Variants in KLF8 observed in about 807,000 individuals in gnomAD.
KLF8 encodes the protein Krueppel-like factor 8.
KLF8 carries 10 observed loss-of-function variants against 18.2 expected under a neutral mutation model. That is an observed-to-expected ratio of 0.55 (90% CI 0.34 to 0.93). The LOEUF (loss-of-function observed/expected upper bound fraction) is 0.93, where lower values mean the gene tolerates loss of function less well. KLF8 is among the 40% of genes least tolerant of loss of function. The probability of loss-of-function intolerance (pLI) is 0.02; values close to 1 mark genes in which losing one functional copy is unlikely to be tolerated. For missense variants in KLF8, 264 were observed against 277.9 expected (o/e 0.95, Z 0.36); for synonymous variants, 109 against 97.3 (o/e 1.12, Z -0.71).
the KLF8 span, among the ~76,000 whole-genome samples, chrX:56,081,882 G>C: frequency 1.8e-5 from 2 of 111,546 alleles, no homozygotes; most frequent in Non-Finnish European, 3.8e-5. Flanking sequence ...GAGGATTTTT[G>C]CATCAACATT....
chrX:56,057,959 G>A, the KLF8 span, among the ~76,000 whole-genome samples: 1 of 106,728 alleles, frequency 9.4e-6, no homozygotes. Flanking sequence ...CCAATGGAGA[G>A]AACAGGTTGC....
intron 1 of KLF8, among the ~76,000 whole-genome samples, chrX:56,248,165 G>T (rs1282705351): frequency 1.8e-5 from 2 of 110,607 alleles, no homozygotes; most frequent in African/African-American, 3.3e-5. Context: ...GTCATGGGGT[G>T]GGGGGAGAGC....
At chrX:55,957,525 C>G in the KLF8 span, among the ~76,000 whole-genome samples, 2 of 112,071 alleles carry the variant, frequency 1.8e-5, no homozygotes, top group African/African-American at 6.5e-5. Context: ...TCTATGAACA[C>G]AAGATGTGTT....
Position 56,265,427 on chromosome X carries a change from C to G in KLF8, c.329C>G (p.Pro110Arg). The change falls in exon 3 of 6, where the codon CCC (proline) becomes CGC (arginine). Residue 110 changes from proline (P) to arginine (R), a missense_variant. Physicochemically the swap from Pro to Arg is moderately radical, Grantham distance 103. Around this residue, in one of 2 missense-constraint regions of KLF8, gnomAD observed 221 missense variants for 193.6 expected, o/e 1.14. Transcript: ENST00000468660. ...PASMLQAPIR[P>R]PKPQSSPQTL... ...AGCATGCTACAAGCTCCAATACGTC[C>G]CCCCAAGCCACAGTCTTCTCCCCAG... is the stretch of plus-strand genomic sequence containing the variant. 8 of 1,211,485 alleles carry G rather than the reference C, an allele frequency of 6.6e-6. No individual in the cohort carries two copies. Among genetic ancestry groups the G allele is most frequent in the African/African-American group, 1.7e-5 (1 of 57,844 alleles).
chrX:56,047,060 T>A, the KLF8 span, among the ~76,000 whole-genome samples: 25 of 100,809 alleles, frequency 2.5e-4, no homozygotes, highest in Non-Finnish European at 4.2e-4. Flanking sequence ...GTTCATTTTT[T>A]AATTTTTTTT....
the KLF8 span, among the ~76,000 whole-genome samples, chrX:56,016,301 T>C: frequency 8.9e-6 from 1 of 112,417 alleles, no homozygotes; most frequent in African/African-American, 3.2e-5. Context: ...TCAGCACATT[T>C]GTTGAGTAGA....
the KLF8 span, among the ~76,000 whole-genome samples, chrX:56,080,085 G>T: frequency 1.8e-5 from 2 of 111,156 alleles, no homozygotes; most frequent in Non-Finnish European, 3.8e-5. Flanking sequence ...ACCCTGATGG[G>T]TCTTGACTCT....
At chrX:56,191,796 A>G in the KLF8 span, among the ~76,000 whole-genome samples, 1 of 111,528 alleles carries the variant, frequency 9.0e-6, no homozygotes, top group African/African-American at 3.3e-5. Flanking sequence ...GTTAAAAATT[A>G]TTTAAAAACT....
At chrX:56,053,881 T>C in the KLF8 span, among the ~76,000 whole-genome samples, 1 of 111,226 alleles carries the variant, frequency 9.0e-6, no homozygotes, top group Admixed American at 9.6e-5. Context: ...TTGTGTTTAT[T>C]TAGATCTTCT....
the KLF8 span, among the ~76,000 whole-genome samples, chrX:56,046,799 G>C: frequency 9.0e-6 from 1 of 111,452 alleles, no homozygotes; most frequent in African/African-American, 3.3e-5. Context: ...TTACCTCACA[G>C]CTGTAAAGAT....
the KLF8 span, among the ~76,000 whole-genome samples, chrX:55,956,126 TATTTATC>T: frequency 6.6e-5 from 5 of 75,636 alleles, no homozygotes; most frequent in East Asian, 7.1e-4. Context: ...AATATCTATC[TATTTATC>T]TATCTATCTA....
the KLF8 span, among the ~76,000 whole-genome samples, chrX:55,978,795 G>C: frequency 9.0e-6 from 1 of 111,706 alleles, no homozygotes; most frequent in Non-Finnish European, 1.9e-5. Context: ...GTAATAGTAA[G>C]GACAGGCAGC....
chrX:56,177,235 A>G, the KLF8 span, among the ~76,000 whole-genome samples: 3 of 111,043 alleles, frequency 2.7e-5, no homozygotes, highest in Non-Finnish European at 5.7e-5. Context: ...TTGTGGTTTT[A>G]TCTACCTTTG....
intron 5 of KLF8, among the ~76,000 whole-genome samples, chrX:56,273,173 T>A (rs2067078676): frequency 9.0e-6 from 1 of 111,710 alleles, no homozygotes; most frequent in African/African-American, 3.3e-5. Flanking sequence ...ATTTTTATTT[T>A]ATTCTCATAT....
At chrX:56,180,381 G>C in the KLF8 span, among the ~76,000 whole-genome samples, 2 of 110,775 alleles carry the variant, frequency 1.8e-5, no homozygotes, top group Non-Finnish European at 3.8e-5. Context: ...CTTCTTAGCA[G>C]TGTATCAATT....
chrX:56,219,020 A>AT, the KLF8 span, among the ~76,000 whole-genome samples: 6 of 112,153 alleles, frequency 5.3e-5, no homozygotes, highest in Non-Finnish European at 9.4e-5. Flanking sequence ...ACAAAACAAC[A>AT]TTTTTTTAAC....
intron 5 of KLF8, among the ~76,000 whole-genome samples, chrX:56,275,536 G>T (rs981707009): frequency 9.0e-6 from 1 of 111,382 alleles, no homozygotes; most frequent in African/African-American, 3.3e-5. Context: ...CCTGTACCAT[G>T]TTGAATAAAG....
the KLF8 span, among the ~76,000 whole-genome samples, chrX:56,167,985 A>C: frequency 8.9e-6 from 1 of 111,979 alleles, no homozygotes; most frequent in East Asian, 2.8e-4. Flanking sequence ...CCATAAATGG[A>C]GCTATATCTC....
At chrX:56,058,299 T>C in the KLF8 span, among the ~76,000 whole-genome samples, 74 of 66,718 alleles carry the variant, frequency 1.1e-3, no homozygotes, top group African/African-American at 2.4e-3. Flanking sequence ...TATATATATA[T>C]ATATATATAT....
Sources: gnomAD v4.1 joint callset for allele counts (sites outside exome capture counted in the v4.1 genomes callset) on GRCh38, gnomAD v4.1.1 for gene constraint, gnomAD v4.1.1 regional missense constraint, MANE v1.5 for transcripts, NCBI Gene and HGNC (gene_info 2026-07-23, HGNC 2026-07-21) for gene names.